Variants in MIX23 observed in about 807,000 individuals in gnomAD.
MIX23 encodes mitochondrial matrix import factor 23, also known as protein MIX23.
In MIX23, 13 loss-of-function variants were observed where a neutral mutation model predicts 21.6. That is an observed-to-expected ratio of 0.60 (90% CI 0.39 to 0.96). MIX23 has a LOEUF of 0.96. Among genes scored for constraint, MIX23 ranks in the 40% least tolerant of loss-of-function variants. MIX23 has a pLI of 0.00. For synonymous variants in MIX23, 59 were observed against 58.0 expected (o/e 1.02, Z -0.08); for missense variants, 144 against 171.2 (o/e 0.84, Z 0.89).
chr3:122,364,777 A>T (rs2107676992), intron 3 of MIX23, among the ~76,000 whole-genome samples: 1 of 152,292 alleles, frequency 6.6e-6, no homozygotes. Flanking sequence ...CTCATAAAGG[A>T]AAGAAACTGC....
rs546627046 is a variant in MIX23, at chr3:122,368,209, C to T, written c.291G>A (p.Thr97=). Residue 97 remains threonine (T), a synonymous_variant, in exon 3 of 5, where the codon ACG becomes ACA. Transcript: ENST00000291458. ...EEREKNLDDL[T]LLKQLRKEQT... is the part of the protein sequence containing the mutation. ...GCTCTTTTCTAAGTTGTTTTAATAA[C>T]GTTAAATCGTCCAAATTCTTTTCTC... is the stretch of plus-strand genomic sequence containing the variant. 1.2e-5 allele frequency: 19 copies of T among 1,610,066 alleles called. No homozygotes were observed. Among genetic ancestry groups the T allele is most frequent in the Middle Eastern group, 2.2e-4 (1 of 4,562 alleles).
intron 2 of MIX23, among the ~76,000 whole-genome samples, chr3:122,370,367 G>A (rs1036442843): frequency 2.2e-5 from 3 of 138,956 alleles, no homozygotes; most frequent in African/African-American, 8.1e-5. Context: ...TGAGGTGCAA[G>A]AATCATTTGA....
At position 122,360,570 on chromosome 3, in the gene MIX23, A is replaced by C. The variant is rs529747327; in HGVS notation, c.385-651T>G. Among the ~76,000 whole-genome samples the C allele has an allele frequency of 2.0e-5, 3 of 152,294 alleles. No individual in the cohort carries two copies. In the East Asian group the frequency reaches 5.8e-4, roughly 29 times the overall value. ...GAGAGGGACAGAAGGCAGAATTTTT[A>C]CTGTATATTACTATTTTTAAAATTT... is the stretch of plus-strand genomic sequence containing the variant. On this transcript the variant is annotated intron_variant, in intron 4 of 4. Coordinates refer to ENST00000291458, the MANE Select transcript of MIX23 (RefSeq NM_001017928.4).
At chr3:122,375,478 T>G (rs190769448) in intron 1 of MIX23, among the ~76,000 whole-genome samples, 1 of 152,186 alleles carries the variant, frequency 6.6e-6, no homozygotes, top group Non-Finnish European at 1.5e-5. Flanking sequence ...AGACAGAAAT[T>G]TTACAGAAAA....
intron 4 of MIX23, among the ~76,000 whole-genome samples, chr3:122,361,524 C>T (rs990092782): frequency 6.6e-6 from 1 of 152,190 alleles, no homozygotes; most frequent in African/African-American, 2.4e-5. Context: ...CTTTTTAAAA[C>T]AAGTAGGGGC....
chr3:122,374,219 T>C (rs923846953), intron 1 of MIX23, among the ~76,000 whole-genome samples: 1 of 152,082 alleles, frequency 6.6e-6, no homozygotes, highest in South Asian at 2.1e-4. Flanking sequence ...GCCTTTTGGA[T>C]AGAGGTTTCC....
chr3:122,382,050 C>T (rs1265643135), intron 1 of MIX23, among the ~76,000 whole-genome samples: 1 of 152,186 alleles, frequency 6.6e-6, no homozygotes, highest in African/African-American at 2.4e-5. Flanking sequence ...AATACAGTAT[C>T]TAATAAATTC....
At chr3:122,381,313 G>A (rs1178565760) in intron 1 of MIX23, among the ~76,000 whole-genome samples, 2 of 152,142 alleles carry the variant, frequency 1.3e-5, no homozygotes, top group Non-Finnish European at 2.9e-5. Flanking sequence ...CAAAATTCAT[G>A]AATCCCTAAT....
At chr3:122,371,850 C>A (rs1559992270) in intron 1 of MIX23, 50 bp from the exon 2 acceptor site, 2 of 1,453,520 alleles carry the variant, frequency 1.4e-6, no homozygotes, top group South Asian at 1.2e-5. Context: ...AAGTTAGTGA[C>A]AAAAAATAAG....
intron 3 of MIX23, among the ~76,000 whole-genome samples, chr3:122,363,992 G>A (rs1434010330): frequency 6.6e-6 from 1 of 152,142 alleles, no homozygotes; most frequent in Non-Finnish European, 1.5e-5. Flanking sequence ...ACACCAGGAC[G>A]ATTTCCTCAG....
Position 122,381,348 on chromosome 3 carries a change from T to C in MIX23, c.51+1826A>G, listed in dbSNP as rs1239203804. Among the ~76,000 whole-genome samples, 7 of 152,300 alleles carry C rather than the reference T, an allele frequency of 4.6e-5. No homozygotes were observed. The East Asian group carries it at 1.2e-3, about 25-fold the overall frequency. On this transcript the variant is annotated intron_variant, in intron 1 of 4. Coordinates refer to ENST00000291458, the MANE Select transcript of MIX23 (RefSeq NM_001017928.4). The stretch of plus-strand genomic sequence containing the variant: ...TCCCCAACATGACTGTATCTGGAGA[T>C]AGGGCCTTGAGGTATGTAATAAAGG...
intron 4 of MIX23, among the ~76,000 whole-genome samples, chr3:122,360,517 G>A (rs909359407): frequency 6.6e-6 from 1 of 152,150 alleles, no homozygotes; most frequent in Non-Finnish European, 1.5e-5. Context: ...ATCTTTCAGA[G>A]GGAAGGGAAA....
chr3:122,379,203 G>A (rs1049463920), intron 1 of MIX23, among the ~76,000 whole-genome samples: 5 of 152,142 alleles, frequency 3.3e-5, no homozygotes, highest in Admixed American at 1.3e-4. Context: ...AAGTAGTAGA[G>A]GCATGCCATT....
rs546731949 is a variant in MIX23, at chr3:122,359,781, G to A, written c.*88C>T. 91 of 1,269,714 alleles carry A rather than the reference G, an allele frequency of 7.2e-5. No individual in the cohort carries two copies. The highest frequency in any genetic ancestry group is 8.1e-5 in the Non-Finnish European group (80 of 984,606). The allele number at this position is 1,269,714 out of a possible 1,614,324, so 78.7% of individuals were successfully genotyped here. A position where few individuals can be genotyped will look rare whatever the true frequency, so the allele number is the denominator to read the frequency against. On this transcript the variant is annotated 3_prime_UTR_variant, in exon 5 of 5. Transcript: ENST00000291458. ...GCTCAGAAATCATCCTAGAAAGCCC[G>A]CCCTGTTGATATCTGTCATGCTTAG...
chr3:122,377,393 A>G (rs1354959660), intron 1 of MIX23, among the ~76,000 whole-genome samples: 1 of 152,204 alleles, frequency 6.6e-6, no homozygotes, highest in Non-Finnish European at 1.5e-5. Flanking sequence ...TAAAACCATG[A>G]AACTAGAAGA....
chr3:122,363,344 C>G (rs2075373822), intron 3 of MIX23, among the ~76,000 whole-genome samples: 1 of 148,530 alleles, frequency 6.7e-6, no homozygotes, highest in Non-Finnish European at 1.5e-5. Flanking sequence ...AAATGCCAAT[C>G]TTACTCCAGT....
At chr3:122,368,929 C>T (rs1371422060) in intron 2 of MIX23, among the ~76,000 whole-genome samples, 1 of 152,188 alleles carries the variant, frequency 6.6e-6, no homozygotes, top group African/African-American at 2.4e-5. Flanking sequence ...TTAGTGGTTG[C>T]ATCAATTGTG....
chr3:122,382,904 C>T (rs1340641303), intron 1 of MIX23, among the ~76,000 whole-genome samples: 4 of 152,210 alleles, frequency 2.6e-5, no homozygotes, highest in Admixed American at 2.6e-4. Context: ...TCCACGCATC[C>T]CGAGCTTTAC....
Position 122,377,055 on chromosome 3 carries a change from C to T in MIX23, c.52-5255G>A, listed in dbSNP as rs367853256. Among the ~76,000 whole-genome samples, 10 of 152,294 alleles carry T rather than the reference C, an allele frequency of 6.6e-5. 1 individual carries two copies. Among genetic ancestry groups the T allele is most frequent in the East Asian group, 3.9e-4 (2 of 5,176 alleles). ...AATTAGCCGCGCATGGTGGCGCACA[C>T]CTGTAGTCTCAGCTACTTAGGAGGC... On this transcript the variant is annotated intron_variant, in intron 1 of 4. Transcript: ENST00000291458.
Sources: gnomAD v4.1 joint callset for allele counts (sites outside exome capture counted in the v4.1 genomes callset) on GRCh38, gnomAD v4.1.1 for gene constraint, MANE v1.5 for transcripts, NCBI Gene and HGNC (gene_info 2026-07-23, HGNC 2026-07-21) for gene names.